BICC1: variants seen among roughly 807,000 people sequenced by gnomAD.
The protein encoded by BICC1 is protein bicaudal C homolog 1.
A neutral mutation model predicts 111.0 loss-of-function variants in BICC1; 43 were observed. The ratio of observed to expected loss-of-function variants is 0.39; its 90% CI spans 0.30 to 0.50. The LOEUF is 0.50. Among genes scored for constraint, BICC1 ranks in the 20% least tolerant of loss-of-function variants. The pLI is 0.88. For missense variants in BICC1, 1,091 were observed against 1,203.2 expected (o/e 0.91, Z 1.38); for synonymous variants, 467 against 434.4 (o/e 1.07, Z -0.93).
chr10:58,715,134 G>C (rs1257642497), intron 3 of BICC1, among the ~76,000 whole-genome samples: 1 of 151,806 alleles, frequency 6.6e-6, no homozygotes, highest in Non-Finnish European at 1.5e-5. Flanking sequence ...TTTTTTAAAA[G>C]TCCTTTTTAT....
chr10:58,534,197 G>A (rs1842765337), intron 1 of BICC1, among the ~76,000 whole-genome samples: 1 of 151,768 alleles, frequency 6.6e-6, no homozygotes, highest in African/African-American at 2.4e-5. Context: ...CCTTACCCAA[G>A]ATAGCAGATT....
chr10:58,530,645 A>G (rs578038721), intron 1 of BICC1, among the ~76,000 whole-genome samples: 1 of 148,066 alleles, frequency 6.8e-6, no homozygotes, highest in East Asian at 2.1e-4. Context: ...GGTATATAAG[A>G]TTGTGTGTCC....
chr10:58,639,886 T>A (rs1338397404), intron 2 of BICC1, among the ~76,000 whole-genome samples: 1 of 151,916 alleles, frequency 6.6e-6, no homozygotes. Flanking sequence ...CTAATTTTTG[T>A]ATTTTTTGTA....
intron 3 of BICC1, among the ~76,000 whole-genome samples, chr10:58,735,128 A>C (rs1446107091): frequency 6.6e-6 from 1 of 152,256 alleles, no homozygotes; most frequent in African/African-American, 2.4e-5. Flanking sequence ...ACAAAAAGAG[A>C]AAACAATTTA....
chr10:58,706,088 A>C (rs1482627746), intron 3 of BICC1, among the ~76,000 whole-genome samples: 1 of 152,226 alleles, frequency 6.6e-6, no homozygotes, highest in Non-Finnish European at 1.5e-5. Context: ...TAGATTGAGA[A>C]TACTAGAACA....
chr10:58,814,143 A>G, intron 18 of BICC1, 157 bp downstream of exon 18: 2 of 843,026 alleles, frequency 2.4e-6, no homozygotes, highest in Non-Finnish European at 4.0e-6. Context: ...CTCCCAGTGA[A>G]GCAGGCCACC....
chr10:58,622,350 C>T (rs1471520760), intron 2 of BICC1, among the ~76,000 whole-genome samples: 1 of 152,214 alleles, frequency 6.6e-6, no homozygotes, highest in Admixed American at 6.5e-5. Context: ...TGATTTCAGA[C>T]AATTTAAAAG....
chr10:58,589,767 G>C (rs996235203), intron 1 of BICC1, among the ~76,000 whole-genome samples: 1 of 152,042 alleles, frequency 6.6e-6, no homozygotes, highest in African/African-American at 2.4e-5. Flanking sequence ...GAGCCACTGT[G>C]CCCAGCCATT....
At chr10:58,550,788 T>C (rs533603818) in intron 1 of BICC1, among the ~76,000 whole-genome samples, 1 of 152,294 alleles carries the variant, frequency 6.6e-6, no homozygotes, top group African/African-American at 2.4e-5. Flanking sequence ...CTTGTTCCAT[T>C]GACCAATGCA....
At chr10:58,557,308 A>G (rs1346004704) in intron 1 of BICC1, among the ~76,000 whole-genome samples, 3 of 146,326 alleles carry the variant, frequency 2.1e-5, no homozygotes. Flanking sequence ...TGTCTTTAAC[A>G]TTGGTTTTAA....
intron 16 of BICC1, 142 bp from the exon 17 acceptor site, chr10:58,806,862 A>G (rs1843724375): frequency 4.7e-6 from 4 of 842,648 alleles, no homozygotes; most frequent in Admixed American, 3.0e-5. Context: ...TTTCATTAAG[A>G]TATTTTTAGA....
At chr10:58,607,332 A>ATAAC in intron 1 of BICC1, among the ~76,000 whole-genome samples, 1 of 151,704 alleles carries the variant, frequency 6.6e-6, no homozygotes. Context: ...AAATAAATAA[A>ATAAC]TAAATAAATA....
intron 8 of BICC1, among the ~76,000 whole-genome samples, chr10:58,792,521 C>T (rs916769159): frequency 6.6e-6 from 1 of 152,172 alleles, no homozygotes; most frequent in Admixed American, 6.5e-5. Flanking sequence ...CTTCCCATCA[C>T]TCACATGACC....
At chr10:58,592,047 T>C (rs1844636952) in intron 1 of BICC1, among the ~76,000 whole-genome samples, 1 of 152,242 alleles carries the variant, frequency 6.6e-6, no homozygotes, top group African/African-American at 2.4e-5. Flanking sequence ...TATAATTTTA[T>C]AAATGTGATT....
chr10:58,757,644 AC>A (rs1842183428), intron 3 of BICC1, among the ~76,000 whole-genome samples: 1 of 152,112 alleles, frequency 6.6e-6, no homozygotes, highest in South Asian at 2.1e-4. Context: ...AATGCTGTAC[AC>A]CTATGTAATT....
chr10:58,807,113 G>T lies in BICC1; in HGVS notation c.2331G>T (p.Arg777Ser), dbSNP rs1431233578. ...MPAETIKELRRANHVSYKPTM... is the reference protein window; with the variant it reads ...MPAETIKELRSANHVSYKPTM... ...CTGAAACTATCAAGGAGTTGAGAAGGGCCAATCATGTGTCCTATAAGCCCA... is the reference window on the plus strand; with the variant it reads ...CTGAAACTATCAAGGAGTTGAGAAGTGCCAATCATGTGTCCTATAAGCCCA... Residue 777 changes from arginine (R) to serine (S), a missense_variant, in exon 17 of 21, where the codon AGG (arginine) becomes AGT (serine). Around this residue, in one of 3 missense-constraint regions of BICC1, gnomAD observed 231 missense variants for 256.2 expected, o/e 0.90. Coordinates refer to ENST00000373886, the MANE Select transcript of BICC1 (RefSeq NM_001080512.3). 4 of 1,613,622 alleles carry T rather than the reference G, an allele frequency of 2.5e-6. No individual in the cohort carries two copies. Among genetic ancestry groups the T allele is most frequent in the Non-Finnish European group, 3.4e-6 (4 of 1,179,840 alleles).
At chr10:58,577,038 AG>A (rs971599907) in intron 1 of BICC1, among the ~76,000 whole-genome samples, 1 of 152,164 alleles carries the variant, frequency 6.6e-6, no homozygotes, top group African/African-American at 2.4e-5. Flanking sequence ...CCAGAGGCAG[AG>A]GGGGCTCTCA....
At chr10:58,608,126 G>A (rs906865471) in intron 1 of BICC1, among the ~76,000 whole-genome samples, 1 of 152,070 alleles carries the variant, frequency 6.6e-6, no homozygotes, top group Non-Finnish European at 1.5e-5. Context: ...CCCTTTGTGG[G>A]TGTTCTGGGC....
intron 11 of BICC1, among the ~76,000 whole-genome samples, 190 bp from the exon 12 acceptor site, chr10:58,798,866 T>C (rs1003844806): frequency 2.0e-5 from 3 of 152,196 alleles, no homozygotes; most frequent in Admixed American, 2.0e-4. Context: ...TTAAATATTC[T>C]CTATGATATT....
Sources: allele counts gnomAD v4.1 joint callset (sites outside exome capture counted in the v4.1 genomes callset), GRCh38; gene constraint gnomAD v4.1.1; regional missense constraint gnomAD v4.1.1; transcripts MANE v1.5; gene names NCBI Gene and HGNC (gene_info 2026-07-23, HGNC 2026-07-21).